The following DEPTOR variants were observed in gnomAD, a reference collection of about 807,000 sequenced individuals.
DEPTOR encodes the protein DEP domain containing MTOR interacting protein, also known as DEP domain-containing mTOR-interacting protein.
DEPTOR carries 41 observed loss-of-function variants against 41.6 expected under a neutral mutation model. The ratio of observed to expected loss-of-function variants is 0.98; its 90% CI spans 0.77 to 1.28. The LOEUF is 1.28. Ranked by LOEUF, DEPTOR falls within the 50% of genes most tolerant of loss-of-function variation. The pLI, the probability that DEPTOR is intolerant of heterozygous loss-of-function variation, is 0.00. For missense variants in DEPTOR, 514 were observed against 527.9 expected, an observed-to-expected ratio of 0.97 and a Z score of 0.26; for synonymous variants, 195 against 192.3, an observed-to-expected ratio of 1.01 and a Z score of -0.12.
chr8:119,966,728 T>C (rs2129972746), intron 4 of DEPTOR, among the ~76,000 whole-genome samples: 1 of 152,126 alleles, frequency 6.6e-6, no homozygotes. Context: ...CCACCCACCT[T>C]GGCCTCCCGA....
intron 1 of DEPTOR, among the ~76,000 whole-genome samples, chr8:119,875,308 T>C (rs1482437616): frequency 6.6e-6 from 1 of 151,556 alleles, no homozygotes; most frequent in African/African-American, 2.4e-5. Context: ...GGGGAAGGGG[T>C]TGTTTTATAG....
chr8:120,047,912 G>A (rs1267590717), intron 8 of DEPTOR, among the ~76,000 whole-genome samples: 2 of 152,002 alleles, frequency 1.3e-5, no homozygotes, highest in African/African-American at 4.8e-5. Context: ...TGGGCATGGT[G>A]GCACACACCT....
chr8:119,991,368 T>A (rs1447609407), intron 4 of DEPTOR, among the ~76,000 whole-genome samples: 3 of 151,976 alleles, frequency 2.0e-5, no homozygotes, highest in African/African-American at 7.2e-5. Flanking sequence ...CAGGCTGGAG[T>A]GCAGTGGCAC....
At chr8:119,883,505 T>C (rs1827326516) in intron 1 of DEPTOR, among the ~76,000 whole-genome samples, 1 of 145,266 alleles carries the variant, frequency 6.9e-6, no homozygotes, top group South Asian at 2.2e-4. Context: ...AAGAAGGATA[T>C]GCTTTAGTAT....
At chr8:120,019,481 G>A (rs1586660485) in intron 8 of DEPTOR, among the ~76,000 whole-genome samples, 1 of 152,086 alleles carries the variant, frequency 6.6e-6, no homozygotes, top group Non-Finnish European at 1.5e-5. Context: ...CCACTGACGC[G>A]ATCCTGTCAC....
At chr8:119,948,354 G>A (rs184353140) in intron 3 of DEPTOR, among the ~76,000 whole-genome samples, 1 of 152,274 alleles carries the variant, frequency 6.6e-6, no homozygotes, top group East Asian at 1.9e-4. Flanking sequence ...GGAGGCTGCA[G>A]TGAGCCAAGA....
intron 1 of DEPTOR, among the ~76,000 whole-genome samples, chr8:119,897,262 C>T (rs1054036381): frequency 1.3e-5 from 2 of 152,090 alleles, no homozygotes; most frequent in Non-Finnish European, 2.9e-5. Flanking sequence ...AGGTCGGGAG[C>T]GGTGGCCCAC....
intron 8 of DEPTOR, among the ~76,000 whole-genome samples, chr8:120,032,816 G>A (rs2130176651): frequency 6.6e-6 from 1 of 152,290 alleles, no homozygotes; most frequent in African/African-American, 2.4e-5. Context: ...TGGCCAACTT[G>A]AATCTGGAAC....
intron 8 of DEPTOR, among the ~76,000 whole-genome samples, chr8:120,027,629 C>T (rs903823233): frequency 2.0e-5 from 3 of 151,304 alleles, no homozygotes; most frequent in Admixed American, 6.6e-5. Context: ...CACTGGAACC[C>T]GGGAGGTGGA....
At chr8:119,969,035 C>T (rs1039596172) in intron 4 of DEPTOR, among the ~76,000 whole-genome samples, 10 of 151,100 alleles carry the variant, frequency 6.6e-5, no homozygotes, top group African/African-American at 2.4e-4. Flanking sequence ...GTGGAGGTTG[C>T]AGTAAGCCAA....
At chr8:120,032,544 G>A (rs968844413) in intron 8 of DEPTOR, among the ~76,000 whole-genome samples, 1 of 152,190 alleles carries the variant, frequency 6.6e-6, no homozygotes, top group Middle Eastern at 3.4e-3. Flanking sequence ...ATTCCTGAAG[G>A]TTCCCGAGTG....
chr8:119,881,409 A>G (rs1194709816), intron 1 of DEPTOR, among the ~76,000 whole-genome samples: 5 of 152,056 alleles, frequency 3.3e-5, no homozygotes, highest in Non-Finnish European at 5.9e-5. Flanking sequence ...TTGCAGTCCC[A>G]GCTACTCTGG....
intron 4 of DEPTOR, among the ~76,000 whole-genome samples, chr8:119,971,411 AGT>A (rs1466215251): frequency 6.6e-6 from 1 of 152,106 alleles, no homozygotes; most frequent in Non-Finnish European, 1.5e-5. Flanking sequence ...GAGATGAGGA[AGT>A]GTGATTGATT....
At chr8:119,957,594 C>CT (rs529129631) in intron 3 of DEPTOR, among the ~76,000 whole-genome samples, 5,351 of 140,318 alleles carry the variant, frequency 0.038, 107 homozygotes, top group African/African-American at 0.055. Flanking sequence ...TTCTTTCTTT[C>CT]TTTTTTTTTT....
At chr8:120,043,063 C>T (rs1457056770) in intron 8 of DEPTOR, among the ~76,000 whole-genome samples, 4 of 148,516 alleles carry the variant, frequency 2.7e-5, no homozygotes, top group Non-Finnish European at 5.9e-5. Context: ...GTTGGCCAGG[C>T]TGGTCTAGAA....
At chr8:119,905,985 G>A (rs1206517652) in intron 1 of DEPTOR, among the ~76,000 whole-genome samples, 1 of 152,136 alleles carries the variant, frequency 6.6e-6, no homozygotes, top group African/African-American at 2.4e-5. Flanking sequence ...TACAGAGACA[G>A]CATCTCGCTA....
At chr8:119,918,253 C>T (rs1827839711) in intron 1 of DEPTOR, among the ~76,000 whole-genome samples, 1 of 152,186 alleles carries the variant, frequency 6.6e-6, no homozygotes, top group Admixed American at 6.5e-5. Flanking sequence ...GGGCAACCCA[C>T]CTCTTTACTT....
chr8:119,930,929 C>T (rs1225403396), intron 3 of DEPTOR, among the ~76,000 whole-genome samples: 4 of 151,902 alleles, frequency 2.6e-5, no homozygotes, highest in Admixed American at 6.6e-5. Flanking sequence ...ACGTATTTAT[C>T]GGCCAGGCAC....
chr8:120,002,866 G>T, intron 5 of DEPTOR, 111 bp from the exon 6 acceptor site: 1 of 1,245,058 alleles, frequency 8.0e-7, no homozygotes. Context: ...CTGCCACTAA[G>T]ACCAGTGTGC....
Sources: allele counts gnomAD v4.1 joint callset (sites outside exome capture counted in the v4.1 genomes callset), GRCh38; gene constraint gnomAD v4.1.1; transcripts MANE v1.5; gene names NCBI Gene and HGNC (gene_info 2026-07-23, HGNC 2026-07-21).